Variants in ABCA8 observed in about 807,000 individuals in gnomAD.
The protein encoded by ABCA8 is ATP binding cassette subfamily A member 8, also known as ABC-type organic anion transporter ABCA8.
ABCA8 carries 177 observed loss-of-function variants against 192.3 expected under a neutral mutation model. The observed-to-expected ratio is 0.92, with a 90% confidence interval of 0.81 to 1.04. ABCA8 has a LOEUF of 1.04. Ranked by LOEUF, ABCA8 falls within the 50% of genes least tolerant of loss-of-function variation. ABCA8 has a pLI of 0.00. For synonymous variants in ABCA8, 642 were observed against 690.2 expected, an observed-to-expected ratio of 0.93 and a Z score of 1.09; for missense variants, 1,915 against 1,904.8, an observed-to-expected ratio of 1.01 and a Z score of -0.10.
At chr17:68,908,078 A>T (rs2067131499) in intron 17 of ABCA8, among the ~76,000 whole-genome samples, 199 bp from the exon 18 acceptor site, 1 of 152,188 alleles carries the variant, frequency 6.6e-6, no homozygotes, top group South Asian at 2.1e-4. Flanking sequence ...TATAAATGTG[A>T]TGGACAAAAG....
intron 17 of ABCA8, among the ~76,000 whole-genome samples, chr17:68,913,826 G>A (rs932853094): frequency 2.0e-5 from 3 of 151,996 alleles, no homozygotes; most frequent in African/African-American, 7.2e-5. Flanking sequence ...AAATTATTCT[G>A]AAAAATAGAG....
chr17:68,873,302 C>T (rs928583469), intron 37 of ABCA8, among the ~76,000 whole-genome samples: 3 of 152,132 alleles, frequency 2.0e-5, no homozygotes, highest in African/African-American at 7.2e-5. Context: ...TAGGATATAC[C>T]ATATAGCCTA....
In ABCA8 at chr17:68,928,054, A is replaced by G; in HGVS notation, c.1135T>C (p.Leu379=). The change falls in exon 10 of 40, where the codon TTG becomes CTG. Residue 379 remains leucine, a synonymous_variant. Coordinates refer to ENST00000586539, the MANE Select transcript of ABCA8 (RefSeq NM_001288985.2). The part of the protein sequence containing the change: ...FMLGMAQLLH[L]DYDLNSNAFP... ...GCATTAGAATTCAAATCATAGTCCAAGTGTAAAAGCTGAAAATTAAAAAGT... is the reference window on the plus strand; with the variant it reads ...GCATTAGAATTCAAATCATAGTCCAGGTGTAAAAGCTGAAAATTAAAAAGT... 1 of 1,587,376 alleles carries G rather than the reference A, an allele frequency of 6.3e-7. No individual in the cohort carries two copies. The highest frequency in any genetic ancestry group is 8.5e-7 in the Non-Finnish European group (1 of 1,170,534).
chr17:68,873,638 G>A (rs1171087230), intron 37 of ABCA8, among the ~76,000 whole-genome samples: 1 of 152,148 alleles, frequency 6.6e-6, no homozygotes, highest in Non-Finnish European at 1.5e-5. Flanking sequence ...CCAATGTCAT[G>A]AAGCTTTCCT....
chr17:68,905,750 G>A (rs1161625251), intron 19 of ABCA8, among the ~76,000 whole-genome samples: 1 of 152,122 alleles, frequency 6.6e-6, no homozygotes, highest in Non-Finnish European at 1.5e-5. Context: ...GGGTTCTTAA[G>A]TGTTTTAGAT....
At chr17:68,869,620 A>G (rs1336488417) in intron 38 of ABCA8, 80 bp downstream of exon 38, 12 of 1,039,112 alleles carry the variant, frequency 1.2e-5, no homozygotes, top group Non-Finnish European at 1.5e-5. Context: ...GTCACATTTC[A>G]TTTTTGTCAT....
At chr17:68,927,107 A>T (rs915294801) in intron 10 of ABCA8, among the ~76,000 whole-genome samples, 2 of 152,108 alleles carry the variant, frequency 1.3e-5, no homozygotes, top group Non-Finnish European at 2.9e-5. Context: ...AAAAACAGAA[A>T]AATTAGCCAG....
chr17:68,949,541 G>A (rs926764533), intron 1 of ABCA8, 69 bp from the exon 2 acceptor site: 1 of 152,046 alleles, frequency 6.6e-6, no homozygotes, highest in Non-Finnish European at 1.5e-5. Flanking sequence ...TGTGAAAATC[G>A]TCAATAAAAT....
At chr17:68,900,117 A>T (rs2066867982) in intron 21 of ABCA8, among the ~76,000 whole-genome samples, 1 of 152,228 alleles carries the variant, frequency 6.6e-6, no homozygotes, top group African/African-American at 2.4e-5. Context: ...TTTGGAAATG[A>T]GTGACATAGA....
chr17:68,922,422 A>C, intron 11 of ABCA8, 122 bp from the exon 12 acceptor site: 6 of 670,288 alleles, frequency 9.0e-6, no homozygotes, highest in Non-Finnish European at 1.4e-5. Flanking sequence ...CTTCACTCTC[A>C]CACAGTCATA....
chr17:68,937,106 A>G lies in ABCA8; in HGVS notation c.311T>C (p.Val104Ala), dbSNP rs767945897. The G allele has an allele frequency of 1.3e-6, 2 of 1,589,914 alleles. No homozygotes were observed. The highest frequency in any genetic ancestry group is 2.3e-5 in the South Asian group (2 of 86,124). The part of the protein sequence containing the change: ...ASTPFLAGKE[V>A]LGLPDEESIK... ...ACTTTCCTCATCTGGCAGTCCCAAGACCTCTTTACCTTTTGTTACAAGAAG... is the reference window on the plus strand; with the variant it reads ...ACTTTCCTCATCTGGCAGTCCCAAGGCCTCTTTACCTTTTGTTACAAGAAG... Residue 104 changes from valine to alanine, a missense_variant, in exon 5 of 40, where the codon GTC (valine) becomes GCC (alanine). Val to Ala is a moderately conservative substitution (Grantham distance 64). Coordinates refer to ENST00000586539, the MANE Select transcript of ABCA8 (RefSeq NM_001288985.2).
At chr17:68,923,835 A>G (rs2067614165) in intron 11 of ABCA8, among the ~76,000 whole-genome samples, 1 of 152,202 alleles carries the variant, frequency 6.6e-6, no homozygotes, top group African/African-American at 2.4e-5. Context: ...TGGACAGCCA[A>G]GGATCTTAAG....
At position 68,924,732 on chromosome 17, in the gene ABCA8, G is replaced by A. The variant is rs1271770087; in HGVS notation, c.1411C>T (p.Pro471Ser). 1.2e-6 allele frequency: 2 copies of A among 1,613,762 alleles called. No individual in the cohort carries two copies. Among genetic ancestry groups the A allele is most frequent in the South Asian group, 2.2e-5 (2 of 91,020 alleles). The change falls in exon 11 of 40, where the codon CCT becomes TCT. Residue 471 changes from proline to serine, a missense_variant. Transcript: ENST00000586539. ...PSFHDSFEQA[P>S]PEFQGKEAIR... The stretch of plus-strand genomic sequence containing the variant: ...GCTTCTTTCCCTTGGAATTCTGGAG[G>A]CGCTTGTTCAAAAGAGTCATGAAAT...
In ABCA8 at chr17:68,894,199, G is replaced by T. The variant is rs754497896; in HGVS notation, c.3010C>A (p.Arg1004=). Reference sequence around the variant, plus strand: ...TCCAAAAATGTACTTCTTTCAGTTCGGATATGTACTGATGGTTTAACCATT... The same window carrying T: ...TCCAAAAATGTACTTCTTTCAGTTCTGATATGTACTGATGGTTTAACCATT... ...LGMVKPSVHI[R]TERSTFLENG... Residue 1004 remains arginine (R), a synonymous_variant, in exon 23 of 40, where the codon CGA becomes AGA. Coordinates refer to ENST00000586539, the MANE Select transcript of ABCA8 (RefSeq NM_001288985.2). 1 of 1,613,062 alleles carries T rather than the reference G, an allele frequency of 6.2e-7. No individual in the cohort carries two copies. The highest frequency in any genetic ancestry group is 2.2e-5 in the East Asian group (1 of 44,736).
chr17:68,946,153 C>T (rs536504971), intron 2 of ABCA8, among the ~76,000 whole-genome samples: 9 of 151,914 alleles, frequency 5.9e-5, no homozygotes, highest in Non-Finnish European at 1.2e-4. Context: ...CTGCAATCTC[C>T]GCCTCCCAGG....
At position 68,875,258 on chromosome 17, in the gene ABCA8, A is replaced by C. The variant is rs1226758159; in HGVS notation, c.4631+2T>G. ...CATTTCCAAAACAGCAACCATGTTT[A>C]CCTTTCCTGCCGAGCAGCCTGGGGG... On this transcript the variant is annotated splice_donor_variant, in intron 37 of 39. Coordinates refer to ENST00000586539, the MANE Select transcript of ABCA8 (RefSeq NM_001288985.2). LOFTEE classifies it high-confidence loss of function. The C allele has an allele frequency of 6.2e-7, 1 of 1,613,290 alleles. No individual in the cohort carries two copies. The highest frequency in any genetic ancestry group is 8.5e-7 in the Non-Finnish European group (1 of 1,180,020).
intron 19 of ABCA8, among the ~76,000 whole-genome samples, chr17:68,904,634 T>G (rs994599121): frequency 6.6e-6 from 1 of 152,140 alleles, no homozygotes; most frequent in East Asian, 1.9e-4. Flanking sequence ...TATAACTGAC[T>G]AGAATCATGG....
chr17:68,939,739 G>T lies in ABCA8; in HGVS notation c.301+1019C>A, dbSNP rs2068173136. Among the ~76,000 whole-genome samples, 3 of 152,034 alleles carry T rather than the reference G, an allele frequency of 2.0e-5. No individual in the cohort carries two copies. The South Asian group carries it at 6.2e-4, about 32-fold the overall frequency. The stretch of plus-strand genomic sequence containing the variant: ...CTCTGCTCTTTTAAGCTAGACAAAA[G>T]ATTCTTTTTCTTAAGACAGATTGAG... On this transcript the variant is annotated intron_variant, in intron 4 of 39. Transcript: ENST00000586539.
chr17:68,903,278 C>A (rs755397431), intron 20 of ABCA8, 23 bp downstream of exon 20: 20 of 1,611,742 alleles, frequency 1.2e-5, no homozygotes, highest in Non-Finnish European at 1.7e-5. Flanking sequence ...AAAAAGAAAA[C>A]CTATGGCAAC....
Sources: gnomAD v4.1 joint callset for allele counts (sites outside exome capture counted in the v4.1 genomes callset) on GRCh38, gnomAD v4.1.1 for gene constraint, MANE v1.5 for transcripts, NCBI Gene and HGNC (gene_info 2026-07-23, HGNC 2026-07-21) for gene names.